Variants in KIF13A observed in about 807,000 individuals in gnomAD.
KIF13A encodes the protein kinesin family member 13A, also known as kinesin-like protein KIF13A.
Under a neutral mutation model 212.2 loss-of-function variants are expected in KIF13A, and 79 were observed. The observed-to-expected ratio is 0.37, with a 90% CI of 0.31 to 0.45. The LOEUF (loss-of-function observed/expected upper bound fraction) is 0.45, where lower values mean the gene tolerates loss of function less well. Ranked by LOEUF, KIF13A falls within the 20% of genes least tolerant of loss-of-function variation. The probability of loss-of-function intolerance (pLI) is 1.00; values close to 1 mark genes in which losing one functional copy is unlikely to be tolerated. For synonymous variants in KIF13A, 789 were observed against 808.6 expected, an observed-to-expected ratio of 0.98 and a Z score of 0.41; for missense variants, 1,901 against 2,209.0, an observed-to-expected ratio of 0.86 and a Z score of 2.79.
chr6:17,959,463 C>T (rs1778632193), intron 2 of KIF13A, among the ~76,000 whole-genome samples: 1 of 152,122 alleles, frequency 6.6e-6, no homozygotes, highest in Admixed American at 6.5e-5. Flanking sequence ...CCAGATGTTT[C>T]TCTGTAGGAA....
At position 17,809,759 on chromosome 6, in the gene KIF13A, C is replaced by T. The variant is rs965715846; in HGVS notation, c.2001-829G>A. ...CTAAAGTCACTCCATCTAGCAATTG[C>T]TCTGTGTCATATATAACTTCTCTTT... On this transcript the variant is annotated intron_variant, in intron 17 of 38. Coordinates refer to ENST00000259711, the MANE Select transcript of KIF13A (RefSeq NM_022113.6). The surrounding 1 kb of genome is among the most constrained non-coding windows in gnomAD (Gnocchi z 4.7). 2.0e-5 allele frequency among the ~76,000 whole-genome samples: 3 copies of T among 152,158 alleles called. No individual in the cohort carries two copies. Among genetic ancestry groups the T allele is most frequent in the South Asian group, 2.1e-4 (1 of 4,830 alleles).
rs779771179 is a variant in KIF13A, at chr6:17,773,531, T to A, written c.4271A>T (p.Asp1424Val). The A allele has an allele frequency of 1.9e-6, 3 of 1,612,250 alleles. No homozygotes were observed. The highest frequency in any genetic ancestry group is 1.1e-5 in the South Asian group (1 of 90,962). The change falls in exon 36 of 39, where the codon GAT (aspartate) becomes GTT (valine). Residue 1424 changes from aspartate to valine, a missense_variant. Transcript: ENST00000259711. This position sits in a 1 kb window ranked among gnomAD's most constrained non-coding sequence, Gnocchi z 4.2. ...GGGTAAAGTTCCATAACATGCTACA[T>A]CTTGGTAACTGGAGCTATAGTCAGA... ...DMSDYSSSYQ[D>V]VACYGTLPRD...
At chr6:17,798,200 A>G (rs1007143447) in intron 22 of KIF13A, among the ~76,000 whole-genome samples, 6 of 139,928 alleles carry the variant, frequency 4.3e-5, no homozygotes, top group African/African-American at 1.9e-4. Context: ...AGCGATGAAA[A>G]AACTCCAAGA....
chr6:17,870,376 G>T (rs2150430879), intron 4 of KIF13A, among the ~76,000 whole-genome samples: 1 of 151,996 alleles, frequency 6.6e-6, no homozygotes, highest in East Asian at 1.9e-4. Flanking sequence ...TGAACTATCT[G>T]TAATGAAGAG....
In KIF13A at chr6:17,773,027, C is replaced by T. The variant is rs1260427348; in HGVS notation, c.4324+451G>A. Among the ~76,000 whole-genome samples, 1 of 152,180 alleles carries T rather than the reference C, an allele frequency of 6.6e-6. No individual in the cohort carries two copies. The highest frequency in any genetic ancestry group is 1.5e-5 in the Non-Finnish European group (1 of 68,032). ...CTGTTCCCATTAAGGCACTGGTAGA[C>T]TGTATAATTTAGGTAATAATGTCAC... On this transcript the variant is annotated intron_variant, in intron 36 of 38. Transcript: ENST00000259711. The surrounding 1 kb of genome is among the most constrained non-coding windows in gnomAD (Gnocchi z 4.2).
rs891007835 is a variant in KIF13A at position 17,888,014 on chromosome 6, T to C, written c.159+10154A>G. ...AGCCACTGGGCCCAGCCCCTGCATC[T>C]TGATTCTTATCCTAAATTTCTGCAC... On this transcript the variant is annotated intron_variant, in intron 3 of 38. Coordinates refer to ENST00000259711, the MANE Select transcript of KIF13A (RefSeq NM_022113.6). The surrounding 1 kb of genome is among the most constrained non-coding windows in gnomAD (Gnocchi z 4.8). 2.0e-5 allele frequency among the ~76,000 whole-genome samples: 3 copies of C among 152,020 alleles called. No homozygotes were observed. The highest frequency in any genetic ancestry group is 2.0e-4 in the Admixed American group (3 of 15,246).
intron 2 of KIF13A, among the ~76,000 whole-genome samples, chr6:17,978,343 T>C (rs1237566789): frequency 6.6e-6 from 1 of 152,214 alleles, no homozygotes; most frequent in African/African-American, 2.4e-5. Context: ...CTTCTTAACA[T>C]TTGCATGTCT....
intron 16 of KIF13A, among the ~76,000 whole-genome samples, chr6:17,823,040 T>C (rs11757810): frequency 2.2e-4 from 23 of 106,250 alleles, no homozygotes; most frequent in Admixed American, 5.2e-4. Flanking sequence ...TTCTATACTT[T>C]TTTTTTTTTT....
Position 17,839,408 on chromosome 6 carries a change from G to A in KIF13A, c.831-1825C>T, listed in dbSNP as rs1447501918. Among the ~76,000 whole-genome samples, 3 of 152,156 alleles carry A rather than the reference G, an allele frequency of 2.0e-5. No individual in the cohort carries two copies. Among genetic ancestry groups the A allele is most frequent in the Non-Finnish European group, 2.9e-5 (2 of 68,030 alleles). On this transcript the variant is annotated intron_variant, in intron 9 of 38. Transcript: ENST00000259711. This position sits in a 1 kb window ranked among gnomAD's most constrained non-coding sequence, Gnocchi z 4.3. ...GGAAACGACCACATGCCCATCAAAT[G>A]ATGAAGTGATGAATAAAATCTGGTA...
intron 6 of KIF13A, among the ~76,000 whole-genome samples, chr6:17,852,850 A>G (rs182706288): frequency 6.6e-6 from 1 of 152,326 alleles, no homozygotes; most frequent in East Asian, 1.9e-4. Flanking sequence ...GTTTGTTTAT[A>G]ATTACTGACG....
intron 17 of KIF13A, 51 bp from the exon 18 acceptor site, chr6:17,808,981 C>A: frequency 7.4e-6 from 11 of 1,478,110 alleles, no homozygotes; most frequent in Non-Finnish European, 1.0e-5. Flanking sequence ...AAACTGCAAT[C>A]CCGTTTCTAA....
intron 26 of KIF13A, among the ~76,000 whole-genome samples, chr6:17,788,783 G>A (rs1310042158): frequency 6.6e-6 from 1 of 152,086 alleles, no homozygotes; most frequent in African/African-American, 2.4e-5. Context: ...GGAGTGCAGT[G>A]GCACAATCTC....
intron 9 of KIF13A, among the ~76,000 whole-genome samples, chr6:17,844,897 T>A (rs896234258): frequency 6.6e-6 from 1 of 152,200 alleles, no homozygotes; most frequent in African/African-American, 2.4e-5. Context: ...AATACCTCTT[T>A]AGAGTGGGAC....
At chr6:17,980,826 T>C (rs924803601) in intron 2 of KIF13A, among the ~76,000 whole-genome samples, 19 of 152,206 alleles carry the variant, frequency 1.2e-4, no homozygotes, top group African/African-American at 4.6e-4. Context: ...CAACCAAAAT[T>C]ACTATATTGG....
rs569230412 is a variant in KIF13A, at chr6:17,843,188, T to A, written c.831-5605A>T. 5.3e-5 allele frequency among the ~76,000 whole-genome samples: 8 copies of A among 152,312 alleles called. No homozygotes were observed. The East Asian group carries it at 1.4e-3, about 26-fold the overall frequency. On this transcript the variant is annotated intron_variant, in intron 9 of 38. Coordinates refer to ENST00000259711, the MANE Select transcript of KIF13A (RefSeq NM_022113.6). The surrounding 1 kb of genome is among the most constrained non-coding windows in gnomAD (Gnocchi z 5.3). ...TTGGTTTATGACTGAAAGCACTCAGTAAATATCTGCAGCGTTAATCTGAAT... is the reference window on the plus strand; with the variant it reads ...TTGGTTTATGACTGAAAGCACTCAGAAAATATCTGCAGCGTTAATCTGAAT...
chr6:17,794,930 C>T lies in KIF13A; in HGVS notation c.2943-226G>A, dbSNP rs946254433. 30 of 477,996 alleles carry T rather than the reference C, an allele frequency of 6.3e-5. No homozygotes were observed. The highest frequency in any genetic ancestry group is 4.1e-4 in the African/African-American group (21 of 50,754). The allele number at this position is 477,996 out of a possible 1,614,324, so 29.6% of individuals were successfully genotyped here. A position where few individuals can be genotyped will look rare whatever the true frequency, so the allele number is the denominator to read the frequency against. On this transcript the variant is annotated intron_variant, in intron 23 of 38. Transcript: ENST00000259711. The surrounding 1 kb of genome is among the most constrained non-coding windows in gnomAD (Gnocchi z 4.1). ...ATGTCCACATCTTGAGTATAGAGCT[C>T]GATGAGTTTTGAGAAATGCACATAT...
At chr6:17,824,548 G>T (rs1273599830) in intron 16 of KIF13A, among the ~76,000 whole-genome samples, 1 of 151,732 alleles carries the variant, frequency 6.6e-6, no homozygotes, top group Non-Finnish European at 1.5e-5. Context: ...TCACGAGGTC[G>T]GGAGATTGAG....
At position 17,850,421 on chromosome 6, in the gene KIF13A, G is replaced by A. The variant is rs1202537616; in HGVS notation, c.619C>T (p.Arg207Ter). The A allele has an allele frequency of 1.9e-6, 3 of 1,613,570 alleles. No homozygotes were observed. The highest frequency in any genetic ancestry group is 1.7e-5 in the Admixed American group (1 of 59,942). The change falls in exon 8 of 39, where the codon CGA becomes TGA. Residue 207 changes from arginine (R) to a stop codon, truncating the protein, a stop_gained. Coordinates refer to ENST00000259711, the MANE Select transcript of KIF13A (RefSeq NM_022113.6). LOFTEE classifies it high-confidence loss of function. This position sits in a 1 kb window ranked among gnomAD's most constrained non-coding sequence, Gnocchi z 6.2. Reference protein sequence around the residue: ...ESLMSEGNKSRTVAATNMNEE... With the variant: ...ESLMSEGNKS ...TTCATGTTGGTAGCAGCTACCGTTC[G>A]AGACTTATTTCCCTCAGACATCAAT...
chr6:17,882,531 CT>C (rs1365158835), intron 3 of KIF13A, among the ~76,000 whole-genome samples: 3 of 151,596 alleles, frequency 2.0e-5, no homozygotes, highest in Non-Finnish European at 4.4e-5. Context: ...AATTTGTTTC[CT>C]TTTAATGTCA....
Sources: gnomAD v4.1 joint callset for allele counts (sites outside exome capture counted in the v4.1 genomes callset) on GRCh38, gnomAD v4.1.1 for gene constraint, Gnocchi (gnomAD v3.1) non-coding constraint, MANE v1.5 for transcripts, NCBI Gene and HGNC (gene_info 2026-07-23, HGNC 2026-07-21) for gene names.